The following DCHS2 variants were observed in gnomAD, a reference collection of about 807,000 sequenced individuals.
The protein encoded by DCHS2 is protocadherin-23.
DCHS2 carries 142 observed loss-of-function variants against 182.4 expected under a neutral mutation model. The observed-to-expected ratio is 0.78, with a 90% confidence interval of 0.68 to 0.89. The LOEUF (loss-of-function observed/expected upper bound fraction) is 0.89, where lower values mean the gene tolerates loss of function less well. DCHS2 is among the 40% of genes least tolerant of loss of function. The pLI is 0.00. For missense variants in DCHS2, 4,319 were observed against 4,198.6 expected, an observed-to-expected ratio of 1.03 and a Z score of -0.79; for synonymous variants, 1,740 against 1,663.3, an observed-to-expected ratio of 1.05 and a Z score of -1.12.
intron 3 of DCHS2, among the ~76,000 whole-genome samples, chr4:154,339,995 T>TA (rs895068956): frequency 5.3e-5 from 8 of 152,170 alleles, no homozygotes; most frequent in African/African-American, 1.9e-4. Context: ...TCCTATAGTT[T>TA]AAAAATTTTT....
intron 1 of DCHS2, among the ~76,000 whole-genome samples, chr4:154,475,066 C>T (rs1735631417): frequency 6.6e-6 from 1 of 151,984 alleles, no homozygotes; most frequent in African/African-American, 2.4e-5. Context: ...TAAAGTATTA[C>T]TACTATTTAA....
Position 154,377,291 on chromosome 4 carries a change from G to T in DCHS2, c.2206C>A (p.Pro736Thr). ...VSQDIDRERDPATYDLLVEAK... is the reference protein window; with the variant it reads ...VSQDIDRERDTATYDLLVEAK... ...TCCACCAGGAGATCATAGGTAGCTG[G>T]ATCCCTTTCCCTGTCGATATCTTGA... Residue 736 changes from proline (P) to threonine (T), a missense_variant, in exon 2 of 20, where the codon CCA becomes ACA. By Grantham distance (38) the Pro-to-Thr change is conservative. Transcript: ENST00000357232. 1 of 1,613,570 alleles carries T rather than the reference G, an allele frequency of 6.2e-7. No homozygotes were observed. The highest frequency in any genetic ancestry group is 8.5e-7 in the Non-Finnish European group (1 of 1,179,688).
chr4:154,304,180 C>G (rs1290574371), intron 12 of DCHS2, among the ~76,000 whole-genome samples: 1 of 151,596 alleles, frequency 6.6e-6, no homozygotes, highest in African/African-American at 2.4e-5. Context: ...CAGTAAGAAT[C>G]TGTCTATGAG....
chr4:154,334,831 A>C (rs1356995009), intron 4 of DCHS2, 37 bp downstream of exon 4: 1 of 1,492,494 alleles, frequency 6.7e-7, no homozygotes, highest in African/African-American at 1.4e-5. Context: ...ATGTTCCAAT[A>C]ATGGAATTCC....
chr4:154,260,801 T>C (rs1732952376), intron 14 of DCHS2, among the ~76,000 whole-genome samples: 2 of 152,162 alleles, frequency 1.3e-5, no homozygotes, highest in African/African-American at 2.4e-5. Context: ...CGTACCATCA[T>C]ATCTCCAGTG....
chr4:154,371,995 T>C (rs913237041), intron 2 of DCHS2, among the ~76,000 whole-genome samples: 11 of 152,270 alleles, frequency 7.2e-5, no homozygotes, highest in African/African-American at 2.6e-4. Context: ...AAGAGATTGA[T>C]TTAAACTAAG....
chr4:154,275,438 T>A (rs1046065698), intron 13 of DCHS2, among the ~76,000 whole-genome samples: 1 of 152,140 alleles, frequency 6.6e-6, no homozygotes, highest in African/African-American at 2.4e-5. Flanking sequence ...TTATAATCAA[T>A]CATGGTGGAA....
At chr4:154,286,414 G>C (rs1381859918) in intron 13 of DCHS2, among the ~76,000 whole-genome samples, 3 of 152,046 alleles carry the variant, frequency 2.0e-5, no homozygotes, top group Non-Finnish European at 4.4e-5. Flanking sequence ...TTCAGACAGA[G>C]AATTCAAAAC....
At chr4:154,303,484 CAAAAAA>C (rs35984605) in intron 12 of DCHS2, among the ~76,000 whole-genome samples, 1 of 84,414 alleles carries the variant, frequency 1.2e-5, no homozygotes, top group African/African-American at 4.1e-5. Context: ...GTAAGTGAAG[CAAAAAA>C]AAAAAAAAAA....
chr4:154,469,963 G>C (rs1560777639), intron 1 of DCHS2, among the ~76,000 whole-genome samples: 1 of 151,930 alleles, frequency 6.6e-6, no homozygotes, highest in Non-Finnish European at 1.5e-5. Flanking sequence ...TCTATTTTCT[G>C]TCTGTCTTCT....
intron 16 of DCHS2, among the ~76,000 whole-genome samples, chr4:154,252,068 A>G (rs1162869777): frequency 6.6e-6 from 1 of 151,626 alleles, no homozygotes; most frequent in African/African-American, 2.4e-5. Context: ...TTTCCATTTT[A>G]TGTTTTAATT....
chr4:154,234,889 C>T lies in DCHS2; in HGVS notation c.9763G>A (p.Ala3255Thr). Residue 3255 changes from alanine to threonine, a missense_variant, in exon 20 of 20, where the codon GCA becomes ACA. Coordinates refer to ENST00000357232, the MANE Select transcript of DCHS2 (RefSeq NM_001358235.2). ...QPLASVFNDI[A>T]KLKDEHLHMP... is the part of the protein sequence containing the mutation. ...TGCAAATGTTCATCCTTTAGTTTTG[C>T]AATATCATTAAATACTGAGGCAAGA... 1 of 1,613,980 alleles carries T rather than the reference C, an allele frequency of 6.2e-7. No individual in the cohort carries two copies. Among genetic ancestry groups the T allele is most frequent in the Non-Finnish European group, 8.5e-7 (1 of 1,179,930 alleles).
intron 1 of DCHS2, chr4:154,384,401 C>T (rs780230975): frequency 1.2e-6 from 2 of 1,613,530 alleles, no homozygotes; most frequent in Non-Finnish European, 1.7e-6. Flanking sequence ...CGTTCTCTTC[C>T]TGGCTTCTGA....
Position 154,318,506 on chromosome 4 carries a change from T to C in DCHS2, c.5020+1873A>G, listed in dbSNP as rs1315897725. Among the ~76,000 whole-genome samples the C allele has an allele frequency of 2.0e-5, 3 of 151,742 alleles. No individual in the cohort carries two copies. In the East Asian group the frequency reaches 5.8e-4, roughly 29 times the overall value. On this transcript the variant is annotated intron_variant, in intron 9 of 19. Transcript: ENST00000357232. The stretch of plus-strand genomic sequence containing the variant: ...TCCACCAAAAAACTGTTAGAACAAA[T>C]AAATTCAGAAAAGGCAGGATACAAA...
At chr4:154,422,143 T>TA (rs1269683855) in intron 1 of DCHS2, among the ~76,000 whole-genome samples, 1 of 152,214 alleles carries the variant, frequency 6.6e-6, no homozygotes, top group East Asian at 1.9e-4. Context: ...CCCTAAGTGT[T>TA]AGAGTCCCTC....
At chr4:154,431,484 T>C (rs943183139) in intron 1 of DCHS2, among the ~76,000 whole-genome samples, 1 of 152,140 alleles carries the variant, frequency 6.6e-6, no homozygotes, top group African/African-American at 2.4e-5. Flanking sequence ...TTCCTAGTCA[T>C]CTTCTTTTAT....
At chr4:154,484,103 T>C (rs1050450233) in intron 1 of DCHS2, among the ~76,000 whole-genome samples, 3 of 152,230 alleles carry the variant, frequency 2.0e-5, no homozygotes, top group Admixed American at 1.3e-4. Context: ...CTAATCCAGA[T>C]GGAAAACATG....
chr4:154,338,990 T>C (rs1240194034), intron 3 of DCHS2, among the ~76,000 whole-genome samples: 2 of 152,324 alleles, frequency 1.3e-5, no homozygotes, highest in Non-Finnish European at 2.9e-5. Flanking sequence ...GATAGATAGA[T>C]AGACATTAAT....
intron 13 of DCHS2, among the ~76,000 whole-genome samples, chr4:154,293,692 C>T (rs970081636): frequency 1.3e-5 from 2 of 152,178 alleles, no homozygotes; most frequent in African/African-American, 4.8e-5. Context: ...ACTCATTTCT[C>T]TCCTCCAGGG....
Sources: gnomAD v4.1 joint callset for allele counts (sites outside exome capture counted in the v4.1 genomes callset) on GRCh38, gnomAD v4.1.1 for gene constraint, MANE v1.5 for transcripts, NCBI Gene and HGNC (gene_info 2026-07-23, HGNC 2026-07-21) for gene names.